Variants in GRAMD2B observed in about 807,000 individuals in gnomAD.
GRAMD2B encodes the protein GRAM domain-containing protein 2B.
In GRAMD2B, 41 loss-of-function variants were observed where a neutral mutation model predicts 59.2. The ratio of observed to expected loss-of-function variants is 0.69; its 90% confidence interval spans 0.54 to 0.90. The LOEUF is 0.90. GRAMD2B is among the 40% of genes least tolerant of loss of function. GRAMD2B has a pLI of 0.00. For synonymous variants in GRAMD2B, 161 were observed against 182.7 expected (o/e 0.88, Z 0.96); for missense variants, 424 against 500.5 (o/e 0.85, Z 1.46).
At chr5:126,408,689 C>CTTT (rs34569546) in intron 1 of GRAMD2B, among the ~76,000 whole-genome samples, 3 of 145,768 alleles carry the variant, frequency 2.1e-5, no homozygotes, top group Non-Finnish European at 1.5e-5. Context: ...GCCTGAGACT[C>CTTT]TTTTTTTTTT....
intron 1 of GRAMD2B, among the ~76,000 whole-genome samples, chr5:126,387,627 C>G (rs1756283195): frequency 6.6e-6 from 1 of 151,630 alleles, no homozygotes; most frequent in African/African-American, 2.4e-5. Flanking sequence ...GGAAAGGGTC[C>G]AGACCTGGCC....
intron 1 of GRAMD2B, among the ~76,000 whole-genome samples, chr5:126,387,867 TTAGA>T (rs1580738842): frequency 2.0e-5 from 3 of 152,182 alleles, no homozygotes; most frequent in African/African-American, 4.8e-5. Context: ...TAAAAAAAAT[TTAGA>T]TAGTCACTAT....
chr5:126,394,342 G>C (rs1398792853), intron 1 of GRAMD2B, among the ~76,000 whole-genome samples: 1 of 152,078 alleles, frequency 6.6e-6, no homozygotes, highest in Admixed American at 6.5e-5. Flanking sequence ...AGGTCAGGTG[G>C]AGAAAGTAGG....
At chr5:126,447,571 G>A (rs930729770) in intron 1 of GRAMD2B, among the ~76,000 whole-genome samples, 2 of 151,984 alleles carry the variant, frequency 1.3e-5, no homozygotes, top group African/African-American at 4.8e-5. Context: ...GGCTGAGGCA[G>A]GAGAATGGCG....
chr5:126,476,488 T>C (rs1026226039), intron 5 of GRAMD2B, among the ~76,000 whole-genome samples: 2 of 152,186 alleles, frequency 1.3e-5, no homozygotes, highest in African/African-American at 4.8e-5. Flanking sequence ...TCAAACTTGG[T>C]TGGAGAGGTA....
intron 1 of GRAMD2B, among the ~76,000 whole-genome samples, chr5:126,431,016 A>G (rs1761481252): frequency 6.6e-6 from 1 of 152,196 alleles, no homozygotes; most frequent in Non-Finnish European, 1.5e-5. Flanking sequence ...TAAAGTCAGA[A>G]ATTAAAACAA....
intron 1 of GRAMD2B, among the ~76,000 whole-genome samples, chr5:126,424,597 C>G (rs749880234): frequency 2.6e-5 from 4 of 152,206 alleles, no homozygotes; most frequent in Non-Finnish European, 5.9e-5. Context: ...GGCTCAAAGT[C>G]TTGTTGAAGT....
chr5:126,425,025 G>C (rs756832070), intron 1 of GRAMD2B, among the ~76,000 whole-genome samples: 1 of 152,158 alleles, frequency 6.6e-6, no homozygotes, highest in African/African-American at 2.4e-5. Flanking sequence ...TTAAAAATAG[G>C]CTTCTCTGCC....
upstream of GRAMD2B, among the ~76,000 whole-genome samples, chr5:126,420,887 G>A (rs989470341): frequency 3.9e-5 from 6 of 152,164 alleles, no homozygotes; most frequent in Non-Finnish European, 7.4e-5. Flanking sequence ...TACATGCAAT[G>A]GAATATCATC....
chr5:126,485,637 G>T (rs376324601), intron 10 of GRAMD2B, 49 bp from the exon 11 acceptor site: 1 of 1,155,990 alleles, frequency 8.7e-7, no homozygotes, highest in East Asian at 2.4e-5. Context: ...CTGGATAAAA[G>T]AAGTGTGTTA....
intron 1 of GRAMD2B, among the ~76,000 whole-genome samples, chr5:126,408,176 C>T (rs1230017942): frequency 6.6e-6 from 1 of 151,944 alleles, no homozygotes; most frequent in East Asian, 1.9e-4. Context: ...TGTTAAGCTC[C>T]CATGTATAAG....
intron 6 of GRAMD2B, among the ~76,000 whole-genome samples, chr5:126,478,139 G>GAA (rs1770990885): frequency 1.0e-4 from 7 of 68,902 alleles, no homozygotes; most frequent in African/African-American, 3.0e-4. Context: ...AGTCTTAAAG[G>GAA]GAAAAAAAAA....
chr5:126,441,607 C>T (rs1763303146), intron 1 of GRAMD2B, among the ~76,000 whole-genome samples: 1 of 152,216 alleles, frequency 6.6e-6, no homozygotes, highest in Non-Finnish European at 1.5e-5. Context: ...GCCATTTGAT[C>T]ATGCCATACA....
intron 1 of GRAMD2B, among the ~76,000 whole-genome samples, chr5:126,418,115 G>C (rs1033439196): frequency 3.3e-5 from 5 of 152,180 alleles, no homozygotes; most frequent in Non-Finnish European, 5.9e-5. Context: ...AGGCCCAGGA[G>C]TCAGAACACC....
intron 1 of GRAMD2B, among the ~76,000 whole-genome samples, chr5:126,365,485 G>A (rs547079421): frequency 4.6e-5 from 7 of 152,240 alleles, no homozygotes; most frequent in African/African-American, 1.7e-4. Context: ...TTAAAATCTG[G>A]TAACTCTGAG....
Position 126,482,853 on chromosome 5 carries a change from A to G in GRAMD2B, c.736-610A>G, listed in dbSNP as rs530388089. Among the ~76,000 whole-genome samples the G allele has an allele frequency of 1.6e-4, 24 of 152,354 alleles. No homozygotes were observed. In the South Asian group the frequency reaches 4.6e-3, roughly 29 times the overall value. ...CAGTTCTTAAGCACTTTGGGGAACCAGTAGAATACAAAGTAGAATGTCTGT... is the reference window on the plus strand; with the variant it reads ...CAGTTCTTAAGCACTTTGGGGAACCGGTAGAATACAAAGTAGAATGTCTGT... On this transcript the variant is annotated intron_variant, in intron 8 of 13. Transcript: ENST00000285689.
At chr5:126,415,225 G>T (rs964917811) in intron 1 of GRAMD2B, among the ~76,000 whole-genome samples, 1 of 152,172 alleles carries the variant, frequency 6.6e-6, no homozygotes, top group Non-Finnish European at 1.5e-5. Flanking sequence ...AAAAGAACAC[G>T]AAGCATCAAA....
In GRAMD2B at chr5:126,400,949, T is replaced by C. The variant is rs140616549; in HGVS notation, c.125+29382T>C. On this transcript the variant is annotated intron_variant, in intron 1 of 8. Coordinates refer to the GRAMD2B transcript ENST00000506445. ...CAGGTTGATCCCGTTTGGAAACTTC[T>C]GAGCTTCATGAACGTGATGTCCATA... is the stretch of plus-strand genomic sequence containing the variant. Among the ~76,000 whole-genome samples the C allele has an allele frequency of 4.6e-5, 7 of 152,230 alleles. No individual in the cohort carries two copies. In the East Asian group the frequency reaches 1.2e-3, roughly 25 times the overall value.
intron 1 of GRAMD2B, 44 bp downstream of exon 1, chr5:126,423,733 C>T: frequency 6.4e-7 from 1 of 1,555,798 alleles, no homozygotes; most frequent in Non-Finnish European, 8.7e-7. Context: ...GTGGGAGGAG[C>T]GCAGCCTAAA....
Sources: allele counts gnomAD v4.1 joint callset (sites outside exome capture counted in the v4.1 genomes callset), GRCh38; gene constraint gnomAD v4.1.1; transcripts MANE v1.5; gene names NCBI Gene and HGNC (gene_info 2026-07-23, HGNC 2026-07-21).